Variants in DCDC2C observed in about 807,000 individuals in gnomAD.
The protein encoded by DCDC2C is doublecortin domain-containing protein 2C.
DCDC2C carries 44 observed loss-of-function variants against 45.0 expected under a neutral mutation model. The observed-to-expected ratio is 0.98, with a 90% CI of 0.77 to 1.26. The LOEUF (loss-of-function observed/expected upper bound fraction) is 1.26. DCDC2C is among the 50% of genes most tolerant of loss of function. The probability of loss-of-function intolerance (pLI) is 0.00; values close to 1 mark genes in which losing one functional copy is unlikely to be tolerated. For synonymous variants in DCDC2C, 187 were observed against 178.8 expected, an observed-to-expected ratio of 1.05 and a Z score of -0.37; for missense variants, 447 against 468.9, an observed-to-expected ratio of 0.95 and a Z score of 0.43.
chr2:3,727,844 A>G (rs1437919208), intron 3 of DCDC2C, among the ~76,000 whole-genome samples: 5 of 152,218 alleles, frequency 3.3e-5, no homozygotes, highest in African/African-American at 1.2e-4. Context: ...GAGAATATGC[A>G]GCACACTGTG....
rs561595499 is a variant in DCDC2C at position 3,797,563 on chromosome 2, T to C, written c.1065+12463T>C. ...TGAATGCGTCCCAGAGATTCTGGTA[T>C]GTTGTGTCTTTGTTCTCATTGGTTT... On this transcript the variant is annotated intron_variant, in intron 10 of 10. Transcript: ENST00000399143. Among the ~76,000 whole-genome samples the C allele has an allele frequency of 2.3e-4, 33 of 143,714 alleles. 1 individual carries two copies. The highest frequency in any genetic ancestry group is 8.5e-4 in the African/African-American group (33 of 39,010). 94.3% of individuals were successfully genotyped at this position (143,714 alleles called of 152,430 possible).
chr2:3,843,460 T>C (rs1480071551), intron 10 of DCDC2C, among the ~76,000 whole-genome samples: 1 of 152,220 alleles, frequency 6.6e-6, no homozygotes, highest in African/African-American at 2.4e-5. Context: ...GAAGACCTCT[T>C]TTCAAGTGTT....
intron 10 of DCDC2C, among the ~76,000 whole-genome samples, chr2:3,793,458 G>A (rs1438566906): frequency 4.6e-5 from 7 of 152,186 alleles, no homozygotes; most frequent in East Asian, 3.9e-4. Flanking sequence ...TGACAAATGC[G>A]CCTGTGCCAG....
intron 1 of DCDC2C, among the ~76,000 whole-genome samples, chr2:3,704,820 A>G (rs12989114): frequency 0.31 from 46,559 of 151,236 alleles, 7,897 homozygotes; most frequent in Non-Finnish European, 0.39. Context: ...CTCTGTGTCC[A>G]TCACTTGGTC....
rs73910349 is a variant in DCDC2C at position 3,734,786 on chromosome 2, G to C, written c.417-7134G>C. Among the ~76,000 whole-genome samples the C allele has an allele frequency of 0.016, 2,477 of 152,260 alleles. 69 individuals carry two copies. The highest frequency in any genetic ancestry group is 0.056 in the African/African-American group (2,334 of 41,540). On this transcript the variant is annotated intron_variant, in intron 3 of 10. Transcript: ENST00000399143. This position sits in a 1 kb window ranked among gnomAD's most constrained non-coding sequence, Gnocchi z 4.2. ...TTTTGGGGAGAAGACTCCAAGACAT[G>C]ATCCTCTCCTTCATGCACAAGGAAG... is the stretch of plus-strand genomic sequence containing the variant.
intron 10 of DCDC2C, among the ~76,000 whole-genome samples, chr2:3,836,861 CAA>C (rs58586640): frequency 5.1e-5 from 7 of 136,558 alleles, no homozygotes; most frequent in Admixed American, 7.2e-5. Flanking sequence ...GACTCCGTCT[CAA>C]AAAAAAAAAA....
intron 10 of DCDC2C, among the ~76,000 whole-genome samples, chr2:3,843,886 T>C (rs1672269439): frequency 6.6e-6 from 1 of 152,176 alleles, no homozygotes. Context: ...TTTGAGATAA[T>C]GCATGCAAAA....
chr2:3,755,179 GTGTGTGTATGGATGCATA>G (rs1558210997), intron 6 of DCDC2C, among the ~76,000 whole-genome samples: 2 of 151,728 alleles, frequency 1.3e-5, no homozygotes, highest in African/African-American at 4.9e-5. Context: ...ATGGATGCAT[GTGTGTGTATGGATGCATA>G]TGTGTGCATG....
intron 2 of DCDC2C, among the ~76,000 whole-genome samples, chr2:3,724,991 G>C (rs1191765202): frequency 6.6e-6 from 1 of 152,148 alleles, no homozygotes; most frequent in African/African-American, 2.4e-5. Flanking sequence ...GGGTTGGGAA[G>C]GGAGAGGGGG....
intron 3 of DCDC2C, among the ~76,000 whole-genome samples, chr2:3,730,941 G>A (rs915605446): frequency 3.3e-5 from 5 of 152,124 alleles, no homozygotes; most frequent in East Asian, 1.9e-4. Flanking sequence ...ATTTCCTCTC[G>A]AGTGTCGTCT....
chr2:3,772,103 AAT>A (rs1305713195), intron 8 of DCDC2C, among the ~76,000 whole-genome samples: 1 of 152,228 alleles, frequency 6.6e-6, no homozygotes, highest in Non-Finnish European at 1.5e-5. Flanking sequence ...AATATTACAA[AAT>A]ATAACATCCC....
intron 2 of DCDC2C, among the ~76,000 whole-genome samples, chr2:3,711,515 C>T (rs759085552): frequency 6.6e-6 from 1 of 152,064 alleles, no homozygotes; most frequent in African/African-American, 2.4e-5. Flanking sequence ...GAGTTGGAAG[C>T]CATTATCCTC....
rs567894848 is a variant in DCDC2C, at chr2:3,847,793, C to T, written c.*610C>T. Among the ~76,000 whole-genome samples the T allele has an allele frequency of 5.3e-5, 8 of 152,164 alleles. No homozygotes were observed. Among genetic ancestry groups the T allele is most frequent in the East Asian group, 1.9e-4 (1 of 5,164 alleles). ...GGGTGGTCTTCCCCCTTGCTGTTCTCGTGATAGTGAGTGAGTGCTCCCGAG... is the reference window on the plus strand; with the variant it reads ...GGGTGGTCTTCCCCCTTGCTGTTCTTGTGATAGTGAGTGAGTGCTCCCGAG... On this transcript the variant is annotated 3_prime_UTR_variant, in exon 11 of 11. Transcript: ENST00000399143.
At chr2:3,753,745 G>A (rs1452088753) in intron 5 of DCDC2C, among the ~76,000 whole-genome samples, 2 of 152,128 alleles carry the variant, frequency 1.3e-5, no homozygotes, top group Non-Finnish European at 2.9e-5. Flanking sequence ...CTCCACTGAG[G>A]GCGCAGCGTC....
chr2:3,703,744 G>T lies in DCDC2C; in HGVS notation c.-8G>T. The stretch of plus-strand genomic sequence containing the variant: ...TCGGCCCCGGCGAGCGAGGAGCGGG[G>T]CGCGGCTATGGGAACCCGCGGGCCC... On this transcript the variant is annotated 5_prime_UTR_variant, in exon 1 of 11. Coordinates refer to ENST00000399143, the MANE Select transcript of DCDC2C (RefSeq NM_001287444.2). The surrounding 1 kb of genome is among the most constrained non-coding windows in gnomAD (Gnocchi z 4.4). 1 of 1,230,454 alleles carries T rather than the reference G, an allele frequency of 8.1e-7. No homozygotes were observed. The highest frequency in any genetic ancestry group is 3.2e-5 in the East Asian group (1 of 31,554). 76.2% of individuals were successfully genotyped at this position (1,230,454 alleles called of 1,614,324 possible).
intron 10 of DCDC2C, among the ~76,000 whole-genome samples, chr2:3,845,326 C>T (rs1271728228): frequency 6.6e-6 from 1 of 152,214 alleles, no homozygotes; most frequent in Admixed American, 6.5e-5. Context: ...CGAGAGAAGA[C>T]AGGCAGAGTC....
chr2:3,725,338 G>A (rs1008687724), intron 2 of DCDC2C, among the ~76,000 whole-genome samples: 8 of 152,148 alleles, frequency 5.3e-5, no homozygotes, highest in African/African-American at 1.7e-4. Flanking sequence ...CAGAGGCCCC[G>A]GGAAGCACAT....
intron 8 of DCDC2C, among the ~76,000 whole-genome samples, chr2:3,777,862 A>C (rs1171171260): frequency 6.6e-6 from 1 of 152,244 alleles, no homozygotes; most frequent in Non-Finnish European, 1.5e-5. Flanking sequence ...TCACACAGTG[A>C]GAATTCACTT....
At chr2:3,843,220 A>T (rs950797997) in intron 10 of DCDC2C, among the ~76,000 whole-genome samples, 1 of 152,194 alleles carries the variant, frequency 6.6e-6, no homozygotes, top group South Asian at 2.1e-4. Flanking sequence ...AGGGACCCAG[A>T]CAGGAAGTGA....
Sources: gnomAD v4.1 joint callset for allele counts (sites outside exome capture counted in the v4.1 genomes callset) on GRCh38, gnomAD v4.1.1 for gene constraint, Gnocchi (gnomAD v3.1) non-coding constraint, MANE v1.5 for transcripts, NCBI Gene and HGNC (gene_info 2026-07-23, HGNC 2026-07-21) for gene names.